The following COL25A1 variants were observed in gnomAD, a reference collection of about 807,000 sequenced individuals.
COL25A1 encodes collagen type XXV alpha 1 chain, also known as collagen alpha-1(XXV) chain.
COL25A1 carries 103 observed loss-of-function variants against 128.4 expected under a neutral mutation model. That is an observed-to-expected ratio of 0.80 (90% CI 0.68 to 0.94). The LOEUF (loss-of-function observed/expected upper bound fraction) is 0.94. Among genes scored for constraint, COL25A1 ranks in the 40% least tolerant of loss-of-function variants. The pLI is 0.00. For synonymous variants in COL25A1, 279 were observed against 277.2 expected (o/e 1.01, Z -0.06); for missense variants, 745 against 840.0 (o/e 0.89, Z 1.40).
Position 109,154,585 on chromosome 4 carries a change from C to T in COL25A1, c.368-104406G>A, listed in dbSNP as rs78698333. Among the ~76,000 whole-genome samples the T allele has an allele frequency of 7.6e-3, 1,158 of 152,286 alleles. 14 individuals are homozygous for T. Among genetic ancestry groups the T allele is most frequent in the African/African-American group, 0.026 (1,097 of 41,558 alleles). ...TACAGACTTGAAGATGTTGGCAGGACAGTTGTTCCTCTCCATAGCTGAGGC... is the reference window on the plus strand; with the variant it reads ...TACAGACTTGAAGATGTTGGCAGGATAGTTGTTCCTCTCCATAGCTGAGGC... On this transcript the variant is annotated intron_variant, in intron 3 of 37. Transcript: ENST00000399132.
chr4:109,219,482 C>G (rs1457829438), intron 3 of COL25A1, among the ~76,000 whole-genome samples: 1 of 151,958 alleles, frequency 6.6e-6, no homozygotes, highest in Non-Finnish European at 1.5e-5. Context: ...ATGTTCCTTG[C>G]TTCTTCCTCT....
At chr4:109,011,583 T>G (rs1391139237) in intron 5 of COL25A1, among the ~76,000 whole-genome samples, 1 of 152,230 alleles carries the variant, frequency 6.6e-6, no homozygotes, top group African/African-American at 2.4e-5. Flanking sequence ...TATATTTATT[T>G]CTTATAACTG....
At chr4:108,898,858 C>T (rs1742459058) in intron 15 of COL25A1, among the ~76,000 whole-genome samples, 1 of 152,078 alleles carries the variant, frequency 6.6e-6, no homozygotes, top group Non-Finnish European at 1.5e-5. Flanking sequence ...GAAGGTACAT[C>T]GGCACCTTTC....
At chr4:109,031,667 A>T (rs1758880536) in intron 5 of COL25A1, among the ~76,000 whole-genome samples, 1 of 152,120 alleles carries the variant, frequency 6.6e-6, no homozygotes, top group South Asian at 2.1e-4. Flanking sequence ...ATGACATCTC[A>T]TTTTGACCAA....
intron 6 of COL25A1, among the ~76,000 whole-genome samples, chr4:108,990,862 T>C (rs62313680): frequency 0.14 from 20,948 of 152,196 alleles, 2,112 homozygotes; most frequent in East Asian, 0.4. Context: ...ATACAGCTCA[T>C]AAGTGGTAGG....
chr4:108,947,208 C>G (rs1748867181), intron 8 of COL25A1, among the ~76,000 whole-genome samples: 1 of 152,086 alleles, frequency 6.6e-6, no homozygotes, highest in Non-Finnish European at 1.5e-5. Flanking sequence ...CTTTGGGAGG[C>G]TGAGGCGGGC....
intron 3 of COL25A1, among the ~76,000 whole-genome samples, chr4:109,147,841 G>A (rs1451898666): frequency 6.6e-6 from 1 of 151,392 alleles, no homozygotes; most frequent in Non-Finnish European, 1.5e-5. Flanking sequence ...AAAAGTACTG[G>A]AGTATTTCTA....
chr4:109,156,572 T>C (rs2126110940), intron 3 of COL25A1, among the ~76,000 whole-genome samples: 1 of 152,342 alleles, frequency 6.6e-6, no homozygotes, highest in East Asian at 1.9e-4. Flanking sequence ...GTCTACACGA[T>C]GTTGCTATTG....
intron 3 of COL25A1, among the ~76,000 whole-genome samples, chr4:109,275,208 T>C (rs1197790879): frequency 6.6e-6 from 1 of 152,178 alleles, no homozygotes; most frequent in Non-Finnish European, 1.5e-5. Context: ...GCATGTAGCA[T>C]GGCTGGGAAG....
chr4:108,841,675 C>A lies in COL25A1; in HGVS notation c.1656+20G>T. ...ATCAAGGAAGCAGAAATCAAATAAT[C>A]AAGGGATTTGTTGGATTACCTTTGG... On this transcript the variant is annotated intron_variant, in intron 31 of 37. Coordinates refer to ENST00000399132, the MANE Select transcript of COL25A1 (RefSeq NM_198721.4). 1 of 1,603,756 alleles carries A rather than the reference C, an allele frequency of 6.2e-7. No individual in the cohort carries two copies. The highest frequency in any genetic ancestry group is 8.5e-7 in the Non-Finnish European group (1 of 1,170,944).
chr4:109,214,151 G>C (rs1777801740), intron 3 of COL25A1, among the ~76,000 whole-genome samples: 1 of 152,030 alleles, frequency 6.6e-6, no homozygotes, highest in Non-Finnish European at 1.5e-5. Flanking sequence ...TAAAACTTCA[G>C]ACTCATAGGG....
At chr4:108,924,228 T>C (rs1287737461) in intron 11 of COL25A1, among the ~76,000 whole-genome samples, 2 of 152,144 alleles carry the variant, frequency 1.3e-5, no homozygotes, top group Non-Finnish European at 2.9e-5. Context: ...TGGAGTAACA[T>C]CACTAATCTG....
intron 3 of COL25A1, among the ~76,000 whole-genome samples, chr4:109,143,373 A>C (rs1183397912): frequency 2.0e-5 from 3 of 152,032 alleles, no homozygotes; most frequent in African/African-American, 7.3e-5. Flanking sequence ...GAATCTGATA[A>C]TTATGTGTCT....
rs1254833888 is a variant in COL25A1, at chr4:109,302,288, C to G, written c.-176G>C. On this transcript the variant is annotated 5_prime_UTR_variant, in exon 1 of 38. Coordinates refer to ENST00000399132, the MANE Select transcript of COL25A1 (RefSeq NM_198721.4). ...GACTGGGTGGCGGTGGGGTAAAAAG[C>G]AAGACGAAACCCACCCAGACAGCTC... 1 of 463,058 alleles carries G rather than the reference C, an allele frequency of 2.2e-6. No individual in the cohort carries two copies. The highest frequency in any genetic ancestry group is 3.5e-5 in the East Asian group (1 of 28,916). The allele number at this position is 463,058 out of a possible 1,614,324, so 28.7% of individuals were successfully genotyped here.
At chr4:109,214,670 A>T (rs1777849888) in intron 3 of COL25A1, among the ~76,000 whole-genome samples, 1 of 152,124 alleles carries the variant, frequency 6.6e-6, no homozygotes, top group African/African-American at 2.4e-5. Context: ...TGGAGAAAAA[A>T]GTATCAATGC....
intron 31 of COL25A1, chr4:108,834,431 C>A: frequency 6.5e-7 from 1 of 1,534,452 alleles, no homozygotes; most frequent in Non-Finnish European, 8.8e-7. Flanking sequence ...GGGTGTAACA[C>A]GAATGACAAG....
chr4:109,249,271 TCTC>T lies in COL25A1; in HGVS notation c.367+51309_367+51311del, dbSNP rs1183126767. ...ACATTGTAATTCCTTATATGCGTCA[TCTC>T]CTAATAGACTATAAGTAACTTGAAG... On this transcript the variant is annotated intron_variant, in intron 3 of 37. Coordinates refer to ENST00000399132, the MANE Select transcript of COL25A1 (RefSeq NM_198721.4). 2.0e-5 allele frequency among the ~76,000 whole-genome samples: 3 copies of T among 152,296 alleles called. No individual in the cohort carries two copies. In the East Asian group the frequency reaches 5.8e-4, roughly 29 times the overall value.
chr4:109,001,373 A>AGGCATCTGAGATCCTGTCAGGTG, intron 6 of COL25A1, among the ~76,000 whole-genome samples: 1 of 150,960 alleles, frequency 6.6e-6, no homozygotes, highest in African/African-American at 2.5e-5. Flanking sequence ...TAAAAGAAAC[A>AGGCATCTGAGATCCTGTCAGGTG]GGCATCTGAG....
intron 3 of COL25A1, among the ~76,000 whole-genome samples, chr4:109,261,348 C>A (rs1402892741): frequency 2.0e-5 from 3 of 152,114 alleles, no homozygotes; most frequent in Non-Finnish European, 4.4e-5. Context: ...GAAACCTCAT[C>A]TCTACTAAAA....
Sources: gnomAD v4.1 joint callset for allele counts (sites outside exome capture counted in the v4.1 genomes callset) on GRCh38, gnomAD v4.1.1 for gene constraint, MANE v1.5 for transcripts, NCBI Gene and HGNC (gene_info 2026-07-23, HGNC 2026-07-21) for gene names.